The following GPC5 variants were observed in gnomAD, a reference collection of about 807,000 sequenced individuals.
The protein encoded by GPC5 is glypican 5.
Under a neutral mutation model 53.9 loss-of-function variants are expected in GPC5, and 47 were observed. The ratio of observed to expected loss-of-function variants is 0.87; its 90% confidence interval spans 0.69 to 1.11. The LOEUF is 1.11. Among genes scored for constraint, GPC5 ranks in the 50% most tolerant of loss-of-function variants. The pLI is 0.00. For missense variants in GPC5, 748 were observed against 713.1 expected (o/e 1.05, Z -0.56); for synonymous variants, 286 against 263.3 (o/e 1.09, Z -0.84).
At chr13:92,425,466 A>T (rs371001275) in intron 7 of GPC5, among the ~76,000 whole-genome samples, 7 of 152,168 alleles carry the variant, frequency 4.6e-5, no homozygotes, top group African/African-American at 1.4e-4. Context: ...TTACCACGAC[A>T]GTCCTATGGC....
At position 92,771,365 on chromosome 13, in the gene GPC5, C is replaced by A. The variant is rs564654218; in HGVS notation, c.1562-94917C>A. 1.5e-4 allele frequency among the ~76,000 whole-genome samples: 23 copies of A among 152,234 alleles called. No individual in the cohort carries two copies. The South Asian group carries it at 4.1e-3, about 27-fold the overall frequency. ...TTATTATCCAGTTTTTCTTTCGAGA[C>A]AGAGTCTCGCTCTGTCGCCCAGGCT... On this transcript the variant is annotated intron_variant, in intron 7 of 7. Coordinates refer to ENST00000377067, the MANE Select transcript of GPC5 (RefSeq NM_004466.6).
At chr13:92,200,289 T>A (rs2139059323) in intron 7 of GPC5, among the ~76,000 whole-genome samples, 1 of 152,332 alleles carries the variant, frequency 6.6e-6, no homozygotes. Flanking sequence ...AACGCTATTG[T>A]GCTCTTACTT....
At chr13:92,774,078 G>A (rs1875706650) in intron 7 of GPC5, among the ~76,000 whole-genome samples, 1 of 152,194 alleles carries the variant, frequency 6.6e-6, no homozygotes, top group Non-Finnish European at 1.5e-5. Flanking sequence ...CCCACCACAT[G>A]TGGGGATTAT....
intron 7 of GPC5, among the ~76,000 whole-genome samples, chr13:92,284,122 T>C (rs181623471): frequency 6.6e-6 from 1 of 152,180 alleles, no homozygotes; most frequent in Admixed American, 6.5e-5. Flanking sequence ...TCTATGCAAA[T>C]AAACTAGAAA....
chr13:91,812,120 G>A (rs1198996541), intron 5 of GPC5, among the ~76,000 whole-genome samples: 2 of 152,184 alleles, frequency 1.3e-5, no homozygotes, highest in Admixed American at 6.5e-5. Flanking sequence ...AAGTGGAAAG[G>A]TCTGAACTTT....
intron 7 of GPC5, among the ~76,000 whole-genome samples, chr13:92,757,573 T>A (rs1022360106): frequency 4.6e-5 from 7 of 152,098 alleles, no homozygotes; most frequent in African/African-American, 1.7e-4. Flanking sequence ...AATTTTTGCA[T>A]CCTACTCATC....
chr13:92,278,881 G>T (rs1225780870), intron 7 of GPC5, among the ~76,000 whole-genome samples: 11 of 151,948 alleles, frequency 7.2e-5, no homozygotes, highest in Non-Finnish European at 1.6e-4. Flanking sequence ...TATTCCATTG[G>T]TCTATATGTC....
intron 2 of GPC5, among the ~76,000 whole-genome samples, chr13:91,644,324 G>A (rs2034507214): frequency 6.6e-6 from 1 of 152,204 alleles, no homozygotes; most frequent in Non-Finnish European, 1.5e-5. Context: ...TAGACAGTAA[G>A]TAGCAGAGTT....
At chr13:92,094,190 T>G (rs551257581) in intron 6 of GPC5, among the ~76,000 whole-genome samples, 3 of 152,236 alleles carry the variant, frequency 2.0e-5, no homozygotes, top group Admixed American at 2.0e-4. Flanking sequence ...TATATTTGAA[T>G]GTACACTGAT....
rs182727308 is a variant in GPC5, at chr13:91,573,817, A to G, written c.326-119370A>G. Among the ~76,000 whole-genome samples, 578 of 152,318 alleles carry G rather than the reference A, an allele frequency of 3.8e-3. 1 individual carries two copies. Among genetic ancestry groups the G allele is most frequent in the Non-Finnish European group, 6.1e-3 (413 of 68,028 alleles). On this transcript the variant is annotated intron_variant, in intron 2 of 7. Coordinates refer to ENST00000377067, the MANE Select transcript of GPC5 (RefSeq NM_004466.6). ...AGAGATAAAATTAAAATGAACTCTG[A>G]TAAGAGAGTAAGTGCTTCAACAAAA...
At chr13:91,718,478 T>A (rs943504434) in intron 3 of GPC5, among the ~76,000 whole-genome samples, 4 of 151,856 alleles carry the variant, frequency 2.6e-5, no homozygotes, top group Non-Finnish European at 5.9e-5. Context: ...TCTCACAACC[T>A]CAGTATTGAT....
intron 7 of GPC5, among the ~76,000 whole-genome samples, chr13:92,722,336 A>G (rs570674129): frequency 1.3e-5 from 2 of 152,128 alleles, no homozygotes; most frequent in South Asian, 4.1e-4. Context: ...CACTATCAAG[A>G]GAAAATCAAG....
At chr13:92,786,998 G>T (rs527500539) in intron 7 of GPC5, among the ~76,000 whole-genome samples, 43 of 152,254 alleles carry the variant, frequency 2.8e-4, no homozygotes, top group African/African-American at 9.4e-4. Context: ...GCAAAGAAAA[G>T]ATAAAACCAC....
intron 6 of GPC5, among the ~76,000 whole-genome samples, chr13:92,058,812 G>A (rs1238730992): frequency 6.6e-6 from 1 of 152,096 alleles, no homozygotes; most frequent in Non-Finnish European, 1.5e-5. Context: ...CCAAAGTGCT[G>A]GGATTACTGG....
At chr13:92,009,382 G>A (rs1303758038) in intron 6 of GPC5, among the ~76,000 whole-genome samples, 1 of 151,244 alleles carries the variant, frequency 6.6e-6, no homozygotes, top group Non-Finnish European at 1.5e-5. Context: ...TTTTTGTGGG[G>A]GTCTTGAATA....
At chr13:92,731,007 T>A (rs899194090) in intron 7 of GPC5, among the ~76,000 whole-genome samples, 15 of 151,436 alleles carry the variant, frequency 9.9e-5, no homozygotes, top group Admixed American at 9.3e-4. Flanking sequence ...GAGTCTTTGA[T>A]TGCTTATGTA....
chr13:92,067,860 G>A (rs1452216424), intron 6 of GPC5, among the ~76,000 whole-genome samples: 2 of 151,826 alleles, frequency 1.3e-5, no homozygotes, highest in African/African-American at 4.8e-5. Context: ...GCACATATAA[G>A]GACATATACC....
At chr13:91,651,425 A>C (rs2139558174) in intron 2 of GPC5, among the ~76,000 whole-genome samples, 1 of 152,320 alleles carries the variant, frequency 6.6e-6, no homozygotes, top group African/African-American at 2.4e-5. Context: ...ACTTTGACTT[A>C]TGAAAACATT....
At chr13:92,430,533 G>A (rs1046713895) in intron 7 of GPC5, among the ~76,000 whole-genome samples, 1 of 152,128 alleles carries the variant, frequency 6.6e-6, no homozygotes, top group African/African-American at 2.4e-5. Context: ...ATCTGAGCCA[G>A]GGTGGGAGTG....
Sources: allele counts gnomAD v4.1 joint callset (sites outside exome capture counted in the v4.1 genomes callset), GRCh38; gene constraint gnomAD v4.1.1; transcripts MANE v1.5; gene names NCBI Gene and HGNC (gene_info 2026-07-23, HGNC 2026-07-21).